The following SENP1 variants were observed in gnomAD, a reference collection of about 807,000 sequenced individuals.
The protein encoded by SENP1 is sentrin-specific protease 1.
A neutral mutation model predicts 93.0 loss-of-function variants in SENP1; 21 were observed. The ratio of observed to expected loss-of-function variants is 0.23; its 90% CI spans 0.16 to 0.33. The LOEUF (loss-of-function observed/expected upper bound fraction) is 0.33. Ranked by LOEUF, SENP1 falls within the 10% of genes least tolerant of loss-of-function variation. The probability of loss-of-function intolerance (pLI) is 1.00; values close to 1 mark genes in which losing one functional copy is unlikely to be tolerated. For synonymous variants in SENP1, 256 were observed against 259.6 expected (o/e 0.99, Z 0.13); for missense variants, 591 against 758.7 (o/e 0.78, Z 2.60).
Position 48,065,622 on chromosome 12 carries a change from C to T in SENP1, c.1093G>A (p.Ala365Thr). 1.3e-6 allele frequency: 2 copies of T among 1,560,238 alleles called. No homozygotes were observed. The highest frequency in any genetic ancestry group is 1.7e-6 in the Non-Finnish European group (2 of 1,150,374). ...ERLRQIEEQK[A>T]LALQLQNQRL... ...TGGTTTTGAAGCTGTAAGGCCAATGCCTTCTGTTCTTCAATCTGGCGCAAT... is the reference window on the plus strand; with the variant it reads ...TGGTTTTGAAGCTGTAAGGCCAATGTCTTCTGTTCTTCAATCTGGCGCAAT... The change falls in exon 11 of 18, where the codon GCA (alanine) becomes ACA (threonine). Residue 365 changes from alanine (A) to threonine (T), a missense_variant. Physicochemically the swap from Ala to Thr is moderately conservative, Grantham distance 58. This residue lies in a region of SENP1 where 238 missense variants were observed against 259.1 expected (regional missense o/e 0.92). Transcript: ENST00000549518.
intron 3 of SENP1, among the ~76,000 whole-genome samples, chr12:48,097,206 A>G (rs1041410093): frequency 6.6e-6 from 1 of 152,184 alleles, no homozygotes; most frequent in Non-Finnish European, 1.5e-5. Context: ...AGAAAAATCA[A>G]TCTGGTTTTG....
At chr12:48,095,757 G>A (rs996220247) in intron 4 of SENP1, among the ~76,000 whole-genome samples, 11 of 152,144 alleles carry the variant, frequency 7.2e-5, no homozygotes, top group African/African-American at 2.4e-4. Flanking sequence ...ACCCTAGTAA[G>A]AGGGCAGATG....
intron 15 of SENP1, among the ~76,000 whole-genome samples, chr12:48,047,614 A>C (rs1269281350): frequency 6.6e-6 from 1 of 152,196 alleles, no homozygotes; most frequent in African/African-American, 2.4e-5. Context: ...ATTTTGGAAA[A>C]TGAAACAGGT....
chr12:48,083,562 T>C (rs778832129), intron 6 of SENP1, 29 bp downstream of exon 6: 2 of 1,599,116 alleles, frequency 1.3e-6, no homozygotes, highest in East Asian at 2.2e-5. Flanking sequence ...TCCTAACTTT[T>C]AGTAGCTTTT....
chr12:48,079,431 G>A lies in SENP1; in HGVS notation c.552+4160C>T, dbSNP rs556748358. 4.6e-5 allele frequency among the ~76,000 whole-genome samples: 7 copies of A among 151,566 alleles called. No individual in the cohort carries two copies. In the East Asian group the frequency reaches 7.9e-4, roughly 17 times the overall value. On this transcript the variant is annotated intron_variant, in intron 6 of 17. Transcript: ENST00000549518. ...GGAGAATTGCTTGAACCCGGGAGAC[G>A]GAGGTTGCAGTGAGCCGAGATCGCG...
intron 1 of SENP1, chr12:48,105,299 C>T: frequency 2.0e-6 from 1 of 499,512 alleles, no homozygotes; most frequent in East Asian, 5.5e-5. Context: ...ACTGCACAGG[C>T]ACCGATAAAC....
intron 5 of SENP1, among the ~76,000 whole-genome samples, chr12:48,088,056 CT>C (rs72405174): frequency 0.17 from 24,976 of 146,636 alleles, 2,349 homozygotes; most frequent in East Asian, 0.28. Flanking sequence ...CTGTGACTAT[CT>C]TTTTTTTTTT....
chr12:48,086,455 T>C (rs1426366925), intron 5 of SENP1, among the ~76,000 whole-genome samples: 1 of 152,210 alleles, frequency 6.6e-6, no homozygotes, highest in African/African-American at 2.4e-5. Flanking sequence ...AGTAACATTA[T>C]TTAGATTACA....
intron 9 of SENP1, among the ~76,000 whole-genome samples, chr12:48,068,841 C>G (rs1006604988): frequency 2.6e-5 from 4 of 151,898 alleles, no homozygotes; most frequent in African/African-American, 7.3e-5. Context: ...AAAAATAACA[C>G]CTGGATGAGA....
At chr12:48,055,185 CT>C in intron 13 of SENP1, 1 of 233,858 alleles carries the variant, frequency 4.3e-6, no homozygotes, top group Non-Finnish European at 8.4e-6. Context: ...GGTGGTATGC[CT>C]TAGAGCCACA....
chr12:48,044,949 G>C lies in SENP1; in HGVS notation c.*373C>G, dbSNP rs2136716892. ...ATGCCCTTTCCTACTTCTTAGTAAG[G>C]CCTAACAACAAGAATTTATATGAAA... On this transcript the variant is annotated 3_prime_UTR_variant, in exon 18 of 18. Coordinates refer to ENST00000549518, the MANE Select transcript of SENP1 (RefSeq NM_001267594.2). 4.4e-6 allele frequency: 1 copy of C among 226,504 alleles called. No individual in the cohort carries two copies. The highest frequency in any genetic ancestry group is 8.5e-5 in the East Asian group (1 of 11,828). The allele number at this position is 226,504 out of a possible 1,614,324, so 14.0% of individuals were successfully genotyped here. A position where few individuals can be genotyped will look rare whatever the true frequency, so the allele number is the denominator to read the frequency against.
At chr12:48,055,450 G>C (rs78773707) in intron 13 of SENP1, 1 of 152,298 alleles carries the variant, frequency 6.6e-6, no homozygotes, top group African/African-American at 2.4e-5. Flanking sequence ...TGGTCCCCCA[G>C]GCATCAGTCA....
intron 14 of SENP1, among the ~76,000 whole-genome samples, chr12:48,048,633 T>C (rs2136757684): frequency 6.6e-6 from 1 of 152,292 alleles, no homozygotes; most frequent in South Asian, 2.1e-4. Flanking sequence ...AGAATCTGAG[T>C]GGCAGCATCA....
At chr12:48,052,934 A>T (rs1941925598) in intron 13 of SENP1, among the ~76,000 whole-genome samples, 1 of 151,864 alleles carries the variant, frequency 6.6e-6, no homozygotes, top group Non-Finnish European at 1.5e-5. Context: ...TGGTGGATTC[A>T]TCATAGTCAC....
At chr12:48,093,719 T>TA (rs60808565) in intron 4 of SENP1, among the ~76,000 whole-genome samples, 53,039 of 135,694 alleles carry the variant, frequency 0.39, 10,538 homozygotes, top group East Asian at 0.79. Context: ...CAGAAAATGA[T>TA]AAAAAAAAAA....
At chr12:48,052,847 A>G (rs771007022) in intron 13 of SENP1, among the ~76,000 whole-genome samples, 6 of 152,238 alleles carry the variant, frequency 3.9e-5, no homozygotes, top group Non-Finnish European at 8.8e-5. Context: ...GATAAACCAT[A>G]ATAATGTGGA....
At chr12:48,086,489 T>C (rs910637574) in intron 5 of SENP1, among the ~76,000 whole-genome samples, 2 of 152,172 alleles carry the variant, frequency 1.3e-5, no homozygotes, top group Admixed American at 6.5e-5. Context: ...GGAAAAAACC[T>C]AACTGTACAA....
At chr12:48,084,757 T>G (rs1192070467) in intron 5 of SENP1, among the ~76,000 whole-genome samples, 1 of 152,032 alleles carries the variant, frequency 6.6e-6, no homozygotes, top group East Asian at 1.9e-4. Context: ...CAATTTTGAG[T>G]TTTTTCTATG....
At chr12:48,081,602 GCT>G (rs2137117103) in intron 6 of SENP1, among the ~76,000 whole-genome samples, 1 of 107,784 alleles carries the variant, frequency 9.3e-6, no homozygotes, top group South Asian at 3.2e-4. Context: ...ACAGTGTCTT[GCT>G]CTGTCACCCA....
Sources: gnomAD v4.1 joint callset for allele counts (sites outside exome capture counted in the v4.1 genomes callset) on GRCh38, gnomAD v4.1.1 for gene constraint, gnomAD v4.1.1 regional missense constraint, MANE v1.5 for transcripts, NCBI Gene and HGNC (gene_info 2026-07-23, HGNC 2026-07-21) for gene names.